The following ABLIM1 variants were observed in gnomAD, a reference collection of about 807,000 sequenced individuals.
ABLIM1 encodes the protein actin binding LIM protein 1, also known as actin-binding LIM protein 1.
ABLIM1 carries 40 observed loss-of-function variants against 107.0 expected under a neutral mutation model. The observed-to-expected ratio is 0.37, with a 90% confidence interval of 0.29 to 0.49. The LOEUF is 0.49. ABLIM1 is among the 20% of genes least tolerant of loss of function. The pLI, the probability that ABLIM1 is intolerant of heterozygous loss-of-function variation, is 0.97. For synonymous variants in ABLIM1, 357 were observed against 357.3 expected, an observed-to-expected ratio of 1.00 and a Z score of 0.01; for missense variants, 857 against 1,008.5, an observed-to-expected ratio of 0.85 and a Z score of 2.04.
intron 2 of ABLIM1, among the ~76,000 whole-genome samples, chr10:114,592,622 G>A (rs562335994): frequency 3.3e-5 from 5 of 152,084 alleles, no homozygotes; most frequent in East Asian, 1.9e-4. Context: ...AGAGAGACCC[G>A]CTAAAATTCT....
intron 6 of ABLIM1, among the ~76,000 whole-genome samples, chr10:114,521,777 G>A (rs749833111): frequency 2.0e-5 from 3 of 151,756 alleles, no homozygotes; most frequent in Admixed American, 6.6e-5. Context: ...TTTTAGTTTC[G>A]GGGATATGAT....
At chr10:114,693,508 T>G (rs1273027708) in intron 1 of ABLIM1, among the ~76,000 whole-genome samples, 1 of 152,222 alleles carries the variant, frequency 6.6e-6, no homozygotes, top group East Asian at 1.9e-4. Flanking sequence ...ACAGGACGTG[T>G]CCCTGTCATC....
chr10:114,630,503 T>C (rs1430757278), intron 1 of ABLIM1, among the ~76,000 whole-genome samples: 1 of 152,198 alleles, frequency 6.6e-6, no homozygotes, highest in African/African-American at 2.4e-5. Flanking sequence ...TTACTAAAGA[T>C]CTATAGGAGC....
At chr10:114,699,810 T>C (rs1216913109) in intron 1 of ABLIM1, among the ~76,000 whole-genome samples, 1 of 152,170 alleles carries the variant, frequency 6.6e-6, no homozygotes, top group Non-Finnish European at 1.5e-5. Flanking sequence ...ATGTCTGCTA[T>C]AAAAGGGCAG....
chr10:114,710,342 G>A (rs1219054588), intron 1 of ABLIM1, among the ~76,000 whole-genome samples: 3 of 152,128 alleles, frequency 2.0e-5, no homozygotes, highest in Admixed American at 1.3e-4. Context: ...AGTTCGATAG[G>A]GCTAGGGAAG....
At chr10:114,456,203 T>C (rs185420714) in intron 12 of ABLIM1, among the ~76,000 whole-genome samples, 36 of 152,304 alleles carry the variant, frequency 2.4e-4, no homozygotes, top group Admixed American at 4.6e-4. Flanking sequence ...GGGGAAAAAC[T>C]AGTTTTTTTA....
chr10:114,713,389 A>G (rs2081593335), intron 1 of ABLIM1, among the ~76,000 whole-genome samples: 1 of 152,208 alleles, frequency 6.6e-6, no homozygotes, highest in South Asian at 2.1e-4. Flanking sequence ...TGGGGTGGCA[A>G]ATAGCATAGT....
At chr10:114,775,300 G>C in the ABLIM1 span, among the ~76,000 whole-genome samples, 9 of 152,084 alleles carry the variant, frequency 5.9e-5, no homozygotes, top group Non-Finnish European at 1.0e-4. Flanking sequence ...ATGAGATTTG[G>C]GTGGGGACAC....
At chr10:114,798,610 T>C in the ABLIM1 span, among the ~76,000 whole-genome samples, 1 of 144,536 alleles carries the variant, frequency 6.9e-6, no homozygotes, top group African/African-American at 2.5e-5. Context: ...GGCATGGTGG[T>C]GCACATCTAT....
upstream of ABLIM1, among the ~76,000 whole-genome samples, chr10:114,770,669 G>C (rs2083012745): frequency 6.6e-6 from 1 of 152,074 alleles, no homozygotes; most frequent in Non-Finnish European, 1.5e-5. Context: ...GCTGTTTAAT[G>C]GTTTTGTTGT....
chr10:114,436,714 C>A (rs1264203553), intron 22 of ABLIM1, among the ~76,000 whole-genome samples: 2 of 152,074 alleles, frequency 1.3e-5, no homozygotes, highest in African/African-American at 2.4e-5. Flanking sequence ...TGGACTATCG[C>A]AATAGAAAGC....
At chr10:114,689,838 T>C (rs1704889254), upstream of ABLIM1, among the ~76,000 whole-genome samples, 1 of 152,220 alleles carries the variant, frequency 6.6e-6, no homozygotes, top group Middle Eastern at 3.4e-3. Flanking sequence ...AGTGAGTACA[T>C]GGGAATCCAT....
chr10:114,693,365 G>T (rs1190755236), intron 1 of ABLIM1, among the ~76,000 whole-genome samples: 2 of 115,480 alleles, frequency 1.7e-5, no homozygotes, highest in African/African-American at 5.4e-5. Context: ...GGAGGAAAAT[G>T]AAGGCCTGTG....
At chr10:114,692,008 G>A (rs1052977563) in intron 1 of ABLIM1, among the ~76,000 whole-genome samples, 1 of 152,146 alleles carries the variant, frequency 6.6e-6, no homozygotes, top group East Asian at 1.9e-4. Context: ...CACTCAGTGT[G>A]TATTACTTCT....
At chr10:114,626,261 C>G (rs1467774725) in intron 1 of ABLIM1, among the ~76,000 whole-genome samples, 1 of 152,138 alleles carries the variant, frequency 6.6e-6, no homozygotes, top group Non-Finnish European at 1.5e-5. Flanking sequence ...GGGCTACTAT[C>G]AAACCATAAA....
rs2059128155 is a variant in ABLIM1 at position 114,434,072 on chromosome 10, GAGGACACCC to G, written c.*2179_*2187del. On this transcript the variant is annotated 3_prime_UTR_variant, in exon 23 of 23. Transcript: ENST00000533213. ...ACACTTTCCAGAGTAAAGCAAGGAT[GAGGACACCC>G]AGGCATTGTGCCAAGGCTGCCATTG... 6.6e-6 allele frequency: 1 copy of G among 152,226 alleles called. No homozygotes were observed. Among genetic ancestry groups the G allele is most frequent in the Non-Finnish European group, 1.5e-5 (1 of 68,064 alleles). 9.4% of individuals were successfully genotyped at this position (152,226 alleles called of 1,614,324 possible).
intron 6 of ABLIM1, among the ~76,000 whole-genome samples, chr10:114,544,251 C>T (rs568304235): frequency 3.3e-4 from 50 of 152,330 alleles, no homozygotes; most frequent in African/African-American, 1.2e-3. Flanking sequence ...ATACTCTCCA[C>T]GCTGGCAGGT....
intron 1 of ABLIM1, among the ~76,000 whole-genome samples, chr10:114,628,959 A>C (rs2077995451): frequency 6.6e-6 from 1 of 152,220 alleles, no homozygotes; most frequent in Non-Finnish European, 1.5e-5. Flanking sequence ...ATTAACCTGC[A>C]GAAATCTCCT....
upstream of ABLIM1, among the ~76,000 whole-genome samples, chr10:114,662,391 G>C (rs1235197844): frequency 2.0e-5 from 3 of 152,138 alleles, no homozygotes; most frequent in African/African-American, 4.8e-5. Flanking sequence ...TGGACTTCCA[G>C]ACAGTGACGA....
Sources: gnomAD v4.1 joint callset for allele counts (sites outside exome capture counted in the v4.1 genomes callset) on GRCh38, gnomAD v4.1.1 for gene constraint, MANE v1.5 for transcripts, NCBI Gene and HGNC (gene_info 2026-07-23, HGNC 2026-07-21) for gene names.